CFAP100: variants seen among roughly 807,000 people sequenced by gnomAD.
The protein encoded by CFAP100 is cilia and flagella associated protein 100, also known as cilia- and flagella-associated protein 100.
CFAP100 carries 70 observed loss-of-function variants against 81.5 expected under a neutral mutation model. The ratio of observed to expected loss-of-function variants is 0.86; its 90% CI spans 0.71 to 1.05. The LOEUF is 1.05. Ranked by LOEUF, CFAP100 falls within the 50% of genes least tolerant of loss-of-function variation. CFAP100 has a pLI of 0.00. For synonymous variants in CFAP100, 341 were observed against 314.8 expected (o/e 1.08, Z -0.88); for missense variants, 811 against 776.5 (o/e 1.04, Z -0.53).
intron 3 of CFAP100, among the ~76,000 whole-genome samples, chr3:126,408,426 TG>T (rs2107593640): frequency 6.6e-6 from 1 of 152,344 alleles, no homozygotes; most frequent in East Asian, 1.9e-4. Flanking sequence ...CTTCAGTCTC[TG>T]TGAATCTAGC....
chr3:126,397,140 C>A (rs965534572), intron 2 of CFAP100, among the ~76,000 whole-genome samples: 4 of 152,152 alleles, frequency 2.6e-5, no homozygotes, highest in African/African-American at 9.7e-5. Flanking sequence ...TTAACCCATA[C>A]ATTGTAGAGA....
At chr3:126,397,825 G>A (rs957977525) in intron 2 of CFAP100, among the ~76,000 whole-genome samples, 1 of 152,252 alleles carries the variant, frequency 6.6e-6, no homozygotes, top group Non-Finnish European at 1.5e-5. Flanking sequence ...TGAGCCACCT[G>A]GAGTGAGAGG....
chr3:126,424,636 G>A (rs2083382909), intron 13 of CFAP100, among the ~76,000 whole-genome samples: 1 of 152,246 alleles, frequency 6.6e-6, no homozygotes, highest in Non-Finnish European at 1.5e-5. Flanking sequence ...TCAGGCCTGG[G>A]TCTAAGCTCT....
intron 2 of CFAP100, among the ~76,000 whole-genome samples, chr3:126,402,463 G>A (rs1402729818): frequency 1.3e-5 from 2 of 152,222 alleles, no homozygotes; most frequent in Non-Finnish European, 2.9e-5. Flanking sequence ...ACGGTGAGGT[G>A]AGTGAGCAGG....
At chr3:126,395,434 G>A (rs890037061) in intron 1 of CFAP100, 1 of 152,380 alleles carries the variant, frequency 6.6e-6, no homozygotes, top group Non-Finnish European at 1.5e-5. Context: ...CCAAGGGTAT[G>A]TCAGGAGCTT....
intron 14 of CFAP100, 71 bp from the exon 15 acceptor site, chr3:126,434,105 C>T (rs781333536): frequency 3.5e-6 from 5 of 1,410,436 alleles, no homozygotes; most frequent in South Asian, 1.3e-5. Context: ...CAGCAGGCCA[C>T]CGCTGAAGGC....
chr3:126,416,530 G>T (rs1295584851), intron 5 of CFAP100, 22 bp downstream of exon 5: 3 of 1,533,034 alleles, frequency 2.0e-6, no homozygotes, highest in Non-Finnish European at 1.8e-6. Flanking sequence ...CCGGCGCGGG[G>T]GGACCTGGGC....
Position 126,401,397 on chromosome 3 carries a change from TTATATATATATATATATATA to T in CFAP100, c.49+5375_49+5394del, listed in dbSNP as rs58055481. On this transcript the variant is annotated intron_variant, in intron 2 of 16. Transcript: ENST00000352312. The stretch of plus-strand genomic sequence containing the variant: ...ATGGCATAAAATGGCAAATCGTATT[TTATATATATATATATATATA>T]TATATATATATATATATATATATAT... Among the ~76,000 whole-genome samples, 445 of 76,216 alleles carry T rather than the reference TTATATATATATATATATATA, an allele frequency of 5.8e-3. 15 individuals are homozygous for T. Among genetic ancestry groups the T allele is most frequent in the Admixed American group, 0.034 (252 of 7,462 alleles). The allele number at this position is 76,216 out of a possible 152,430, so 50.0% of individuals were successfully genotyped here.
chr3:126,414,690 G>A (rs752363395), intron 4 of CFAP100, among the ~76,000 whole-genome samples: 36 of 152,308 alleles, frequency 2.4e-4, no homozygotes, highest in East Asian at 7.7e-4. Flanking sequence ...GGCCAGCACC[G>A]ACCCCACTCT....
At chr3:126,404,731 G>A (rs1255214497) in intron 2 of CFAP100, among the ~76,000 whole-genome samples, 1 of 152,172 alleles carries the variant, frequency 6.6e-6, no homozygotes, top group African/African-American at 2.4e-5. Flanking sequence ...CTGGAGTGCA[G>A]TGACACAATC....
chr3:126,423,376 G>A lies in CFAP100; in HGVS notation c.1134G>A (p.Glu378=). The A allele has an allele frequency of 6.2e-7, 1 of 1,613,572 alleles. No homozygotes were observed. The highest frequency in any genetic ancestry group is 1.3e-5 in the African/African-American group (1 of 75,042). The change falls in exon 12 of 17, where the codon GAG becomes GAA. Residue 378 remains glutamate (E), a splice_region_variant and synonymous_variant. Coordinates refer to ENST00000352312, the MANE Select transcript of CFAP100 (RefSeq NM_182628.3). ...PTQEDTDSDG[E]EPQLYFTEPQ... ...AGGAGGACACCGACAGCGATGGGGA[G>A]GTGAATGGCCCAGTGCTGGGCTGGA...
At chr3:126,426,689 G>A (rs1932956142) in intron 13 of CFAP100, among the ~76,000 whole-genome samples, 2 of 152,232 alleles carry the variant, frequency 1.3e-5, no homozygotes, top group Admixed American at 6.5e-5. Context: ...GGCGGAGGTT[G>A]CAGTGAGCTG....
rs149344950 is a variant in CFAP100 at position 126,419,775 on chromosome 3, G to A, written c.870G>A (p.Glu290=). 4.2e-3 allele frequency: 6,720 copies of A among 1,614,004 alleles called. 12 individuals carry two copies. Among genetic ancestry groups the A allele is most frequent in the Non-Finnish European group, 5.2e-3 (6,096 of 1,180,044 alleles). The change falls in exon 9 of 17, where the codon GAG becomes GAA. Residue 290 remains glutamate, a synonymous_variant. Transcript: ENST00000352312. ...SFLKKAKEVS[E]ASKESSVNST... ...TCAAAAAGGCCAAGGAGGTCTCCGA[G>A]GCTTCCAAAGAGAGCAGTGTTAACT... is the stretch of plus-strand genomic sequence containing the variant.
At chr3:126,436,152 C>T (rs1933436624) in intron 16 of CFAP100, 139 bp from the exon 17 acceptor site, 2 of 620,722 alleles carry the variant, frequency 3.2e-6, no homozygotes, top group South Asian at 2.0e-5. Flanking sequence ...GAGTTAACTC[C>T]AGCCCTCAGC....
chr3:126,402,170 G>A (rs535763012), intron 2 of CFAP100, among the ~76,000 whole-genome samples: 142 of 152,372 alleles, frequency 9.3e-4, no homozygotes, highest in African/African-American at 3.2e-3. Context: ...AGGAGGCCTG[G>A]CCACTGTCTG....
At chr3:126,398,519 T>C (rs2082924204) in intron 2 of CFAP100, among the ~76,000 whole-genome samples, 1 of 152,210 alleles carries the variant, frequency 6.6e-6, no homozygotes, top group South Asian at 2.1e-4. Context: ...CACTGCTGCT[T>C]CTCAAGTGCA....
chr3:126,409,892 G>A (rs1462879218), intron 3 of CFAP100, among the ~76,000 whole-genome samples: 2 of 152,164 alleles, frequency 1.3e-5, no homozygotes, highest in African/African-American at 4.8e-5. Flanking sequence ...TCTGAGTGGT[G>A]CTAAAAGGCA....
chr3:126,415,588 G>A (rs2083223058), intron 4 of CFAP100, among the ~76,000 whole-genome samples: 1 of 152,180 alleles, frequency 6.6e-6, no homozygotes, highest in Non-Finnish European at 1.5e-5. Flanking sequence ...ATTTGCCTGG[G>A]TTCTTAGATG....
At position 126,436,319 on chromosome 3, in the gene CFAP100, G is replaced by C; in HGVS notation, c.1751G>C (p.Arg584Pro). 2 of 1,613,962 alleles carry C rather than the reference G, an allele frequency of 1.2e-6. No individual in the cohort carries two copies. The highest frequency in any genetic ancestry group is 1.7e-6 in the Non-Finnish European group (2 of 1,179,894). Residue 584 changes from arginine (R) to proline (P), a missense_variant, in exon 17 of 17, where the codon CGA (arginine) becomes CCA (proline). Transcript: ENST00000352312. ...GGCAGGACACTGGTATGCCGCTCAC[G>C]ACCCCCAGCCCACAGGATCAAACAA... ...KRGRTLVCRS[R>P]PPAHRIKQQS... is the part of the protein sequence containing the mutation.
Sources: gnomAD v4.1 joint callset for allele counts (sites outside exome capture counted in the v4.1 genomes callset) on GRCh38, gnomAD v4.1.1 for gene constraint, MANE v1.5 for transcripts, NCBI Gene and HGNC (gene_info 2026-07-23, HGNC 2026-07-21) for gene names.